SLC25A18: variants seen among roughly 807,000 people sequenced by gnomAD.
SLC25A18 encodes the protein mitochondrial glutamate carrier 2.
SLC25A18 carries 24 observed loss-of-function variants against 31.1 expected under a neutral mutation model. The observed-to-expected ratio is 0.77, with a 90% confidence interval of 0.56 to 1.08. The LOEUF (loss-of-function observed/expected upper bound fraction) is 1.08, where lower values mean the gene tolerates loss of function less well. Among genes scored for constraint, SLC25A18 ranks in the 50% least tolerant of loss-of-function variants. The pLI, the probability that SLC25A18 is intolerant of heterozygous loss-of-function variation, is 0.00. For synonymous variants in SLC25A18, 173 were observed against 161.9 expected (o/e 1.07, Z -0.52); for missense variants, 371 against 418.5 (o/e 0.89, Z 0.99).
At chr22:17,577,895 T>C (rs2057274169) in intron 2 of SLC25A18, among the ~76,000 whole-genome samples, 1 of 152,004 alleles carries the variant, frequency 6.6e-6, no homozygotes, top group South Asian at 2.1e-4. Context: ...CAGACTGGTC[T>C]CGAACTCCTG....
chr22:17,584,196 A>G (rs1024379572), intron 7 of SLC25A18: 14 of 380,692 alleles, frequency 3.7e-5, no homozygotes, highest in African/African-American at 3.1e-4. Flanking sequence ...GATTGAGACC[A>G]TCCTGGCTAA....
chr22:17,584,179 G>C (rs1036550657), intron 7 of SLC25A18: 1 of 530,314 alleles, frequency 1.9e-6, no homozygotes, highest in African/African-American at 2.1e-5. Context: ...GGATTATGAG[G>C]TCAGAAGATT....
At position 17,569,990 on chromosome 22, in the gene SLC25A18, AG is replaced by A; in HGVS notation, c.-201+5del. The stretch of plus-strand genomic sequence containing the variant: ...CAGAGGTTCTTACCGAAAGCAGGTA[AG>A]TGTCTTGTCTGTCTGCATCAAGCTC... On this transcript the variant is annotated splice_donor_5th_base_variant and intron_variant, in intron 2 of 10. Coordinates refer to ENST00000327451, the MANE Select transcript of SLC25A18 (RefSeq NM_031481.3). The A allele has an allele frequency of 1.0e-6, 1 of 985,452 alleles. No individual in the cohort carries two copies. Among genetic ancestry groups the A allele is most frequent in the Non-Finnish European group, 1.2e-6 (1 of 829,948 alleles). The allele number at this position is 985,452 out of a possible 1,614,324, so 61.0% of individuals were successfully genotyped here.
chr22:17,588,000 T>C lies in SLC25A18; in HGVS notation c.651T>C (p.Gly217=). Residue 217 remains glycine, a synonymous_variant, in exon 9 of 11, where the codon GGT becomes GGC. Coordinates refer to ENST00000327451, the MANE Select transcript of SLC25A18 (RefSeq NM_031481.3). ...LNNLGFNELA[G]KASFAHSFVS... ...ACCTGGGGTTCAACGAGCTCGCCGG[T>C]AAGGCGTCCTTTGCACATTCCTTCG... 6.2e-7 allele frequency: 1 copy of C among 1,614,228 alleles called. No individual in the cohort carries two copies. Among genetic ancestry groups the C allele is most frequent in the Non-Finnish European group, 8.5e-7 (1 of 1,180,044 alleles).
At position 17,581,027 on chromosome 22, in the gene SLC25A18, C is replaced by G; in HGVS notation, c.21-10C>G. Reference sequence around the variant, plus strand: ...GCCTCTCTCCTCCCCCTGTCCTCCCCCTGTCCTAGCATCACAGCCAAACTC... The same window carrying G: ...GCCTCTCTCCTCCCCCTGTCCTCCCGCTGTCCTAGCATCACAGCCAAACTC... On this transcript the variant is annotated splice_polypyrimidine_tract_variant and intron_variant, in intron 3 of 10. Transcript: ENST00000327451. The G allele has an allele frequency of 1.9e-6, 3 of 1,543,764 alleles. No individual in the cohort carries two copies. Among genetic ancestry groups the G allele is most frequent in the Admixed American group, 2.0e-5 (1 of 49,996 alleles).
intron 2 of SLC25A18, among the ~76,000 whole-genome samples, chr22:17,572,248 C>T (rs1014319988): frequency 1.3e-5 from 2 of 151,416 alleles, no homozygotes; most frequent in African/African-American, 4.9e-5. Flanking sequence ...CTTTGGGAGG[C>T]CAAGGTGGGC....
intron 1 of SLC25A18, among the ~76,000 whole-genome samples, chr22:17,569,170 A>G (rs912222974): frequency 1.3e-5 from 2 of 151,288 alleles, no homozygotes; most frequent in Non-Finnish European, 1.5e-5. Context: ...CACCACGCCC[A>G]GCTAATTTTT....
intron 5 of SLC25A18, 67 bp downstream of exon 5, chr22:17,581,480 T>TGTTC: frequency 6.4e-7 from 1 of 1,566,214 alleles, no homozygotes. Flanking sequence ...GGGGAACTGG[T>TGTTC]GTTCCTTCCG....
chr22:17,582,374 TA>T (rs1191624224), intron 5 of SLC25A18, 188 bp from the exon 6 acceptor site: 1,246 of 456,914 alleles, frequency 2.7e-3, no homozygotes, highest in South Asian at 4.3e-3. Flanking sequence ...AGACTCCATC[TA>T]AAAAAAAAGG....
intron 1 of SLC25A18, 83 bp from the exon 2 acceptor site, chr22:17,569,841 G>A (rs962077785): frequency 1.1e-5 from 11 of 985,312 alleles, no homozygotes; most frequent in Non-Finnish European, 1.3e-5. Flanking sequence ...TGGTGATGAG[G>A]GGGAGGCAGA....
rs1209739941 is a variant in SLC25A18 at position 17,590,287 on chromosome 22, T to G, written c.*51T>G. 6.2e-7 allele frequency: 1 copy of G among 1,611,470 alleles called. No homozygotes were observed. The highest frequency in any genetic ancestry group is 1.7e-5 in the Admixed American group (1 of 59,924). On this transcript the variant is annotated 3_prime_UTR_variant, in exon 11 of 11. Transcript: ENST00000327451. Reference sequence around the variant, plus strand: ...GCTTGCCGCCCTCTCTCTAGCTGTTTCACTTAGCCTAGAGGGGGCAAGGGC... The same window carrying G: ...GCTTGCCGCCCTCTCTCTAGCTGTTGCACTTAGCCTAGAGGGGGCAAGGGC...
At chr22:17,574,756 C>CTG (rs2057187030) in intron 2 of SLC25A18, among the ~76,000 whole-genome samples, 1 of 149,494 alleles carries the variant, frequency 6.7e-6, no homozygotes, top group Admixed American at 6.7e-5. Flanking sequence ...TCCTGACCTC[C>CTG]TGATCCACCC....
rs1274237439 is a variant in SLC25A18 at position 17,572,637 on chromosome 22, A to ATTT, written c.-201+2671_-201+2673dup. ...GGCGAGACCCCATCTCTACAAATAA[A>ATTT]TTTTTTTTTTTTTTTTTTTTTTGAG... On this transcript the variant is annotated intron_variant, in intron 2 of 10. Transcript: ENST00000327451. Among the ~76,000 whole-genome samples the ATTT allele has an allele frequency of 6.7e-3, 723 of 108,664 alleles. 14 individuals carry two copies. Among genetic ancestry groups the ATTT allele is most frequent in the African/African-American group, 0.021 (573 of 27,236 alleles). 71.3% of individuals were successfully genotyped at this position (108,664 alleles called of 152,430 possible).
chr22:17,579,991 C>T lies in SLC25A18; in HGVS notation c.20+27C>T, dbSNP rs1260009065. 1.9e-6 allele frequency: 3 copies of T among 1,601,092 alleles called. No homozygotes were observed. The African/African-American group carries it at 4.0e-5, about 21-fold the overall frequency. ...TGAGCTCGGCTGGGGCAGCCTGAGG[C>T]CCTGGGCCCTGGGCCTGGCGGAGAG... is the stretch of plus-strand genomic sequence containing the variant. On this transcript the variant is annotated intron_variant, in intron 3 of 10. Transcript: ENST00000327451.
At chr22:17,585,617 TTTA>T (rs754251235) in intron 7 of SLC25A18, among the ~76,000 whole-genome samples, 9 of 149,144 alleles carry the variant, frequency 6.0e-5, no homozygotes, top group South Asian at 2.1e-4. Flanking sequence ...AACATTTTAT[TTTA>T]TTATTATTTA....
At chr22:17,583,083 C>T (rs560189680) in intron 6 of SLC25A18, among the ~76,000 whole-genome samples, 6 of 152,272 alleles carry the variant, frequency 3.9e-5, no homozygotes, top group South Asian at 4.1e-4. Context: ...TCAGGAAAAA[C>T]AAATCAGCCC....
chr22:17,569,906 A>G lies in SLC25A18; in HGVS notation c.-263-18A>G. The G allele has an allele frequency of 1.0e-6, 1 of 985,600 alleles. No individual in the cohort carries two copies. The highest frequency in any genetic ancestry group is 1.7e-5 in the African/African-American group (1 of 57,360). The allele number at this position is 985,600 out of a possible 1,614,324, so 61.1% of individuals were successfully genotyped here. A position where few individuals can be genotyped will look rare whatever the true frequency, so the allele number is the denominator to read the frequency against. ...CCAGTCCAAGCTGGCTGACACTGAA[A>G]GCCACCTCTCCCTGCAGCTCAGCAG... is the stretch of plus-strand genomic sequence containing the variant. On this transcript the variant is annotated intron_variant, in intron 1 of 10. Coordinates refer to ENST00000327451, the MANE Select transcript of SLC25A18 (RefSeq NM_031481.3).
chr22:17,588,034 T>C lies in SLC25A18; in HGVS notation c.685T>C (p.Cys229Arg), dbSNP rs147270090. 4.0e-5 allele frequency: 64 copies of C among 1,614,210 alleles called. No homozygotes were observed. The highest frequency in any genetic ancestry group is 5.0e-5 in the Non-Finnish European group (59 of 1,180,042). ...ASFAHSFVSGCVAGSIAAVAV... is the reference protein window; with the variant it reads ...ASFAHSFVSGRVAGSIAAVAV... ...CTTTGCACATTCCTTCGTGTCAGGCTGTGTGGCAGGTTCCATAGCTGCGGT... is the reference window on the plus strand; with the variant it reads ...CTTTGCACATTCCTTCGTGTCAGGCCGTGTGGCAGGTTCCATAGCTGCGGT... The change falls in exon 9 of 11, where the codon TGT (cysteine) becomes CGT (arginine). Residue 229 changes from cysteine to arginine, a missense_variant. By Grantham distance (180) the Cys-to-Arg change is radical (BLOSUM62 -3). Coordinates refer to ENST00000327451, the MANE Select transcript of SLC25A18 (RefSeq NM_031481.3).
intron 5 of SLC25A18, 62 bp from the exon 6 acceptor site, chr22:17,582,501 A>G: frequency 7.0e-7 from 1 of 1,423,986 alleles, no homozygotes; most frequent in Non-Finnish European, 9.6e-7. Flanking sequence ...GCTGAAGGGC[A>G]GACCTGGGGC....
Sources: gnomAD v4.1 joint callset for allele counts (sites outside exome capture counted in the v4.1 genomes callset) on GRCh38, gnomAD v4.1.1 for gene constraint, MANE v1.5 for transcripts, NCBI Gene and HGNC (gene_info 2026-07-23, HGNC 2026-07-21) for gene names.